The following NTRK1 variants were observed in gnomAD, a reference collection of about 807,000 sequenced individuals.
NTRK1 encodes neurotrophic receptor tyrosine kinase 1, also known as high affinity nerve growth factor receptor.
In NTRK1, 62 loss-of-function variants were observed where a neutral mutation model predicts 86.8. The observed-to-expected ratio is 0.71, with a 90% CI of 0.58 to 0.88. The LOEUF is 0.88. Ranked by LOEUF, NTRK1 falls within the 40% of genes least tolerant of loss-of-function variation. NTRK1 has a pLI of 0.00. For missense variants in NTRK1, 967 were observed against 1,078.4 expected (o/e 0.90, Z 1.45); for synonymous variants, 469 against 456.6 (o/e 1.03, Z -0.35).
intron 2 of NTRK1, chr1:156,843,226 G>A: frequency 2.5e-6 from 4 of 1,613,982 alleles, no homozygotes; most frequent in Middle Eastern, 1.7e-4. Context: ...ATTCATCAGG[G>A]ACATACACTG....
At chr1:156,844,955 G>A (rs1286680490) in intron 2 of NTRK1, 34 of 1,551,182 alleles carry the variant, frequency 2.2e-5, no homozygotes, top group Non-Finnish European at 3.0e-5. Flanking sequence ...TGGGATTATG[G>A]GAACTGAGAG....
At chr1:156,823,820 A>G (rs576414969) in intron 1 of NTRK1, among the ~76,000 whole-genome samples, 2 of 152,326 alleles carry the variant, frequency 1.3e-5, no homozygotes, top group Admixed American at 6.5e-5. Flanking sequence ...AGCACTGGGC[A>G]TACAGGTGGC....
rs765058586 is a variant in NTRK1 at position 156,854,483 on chromosome 1, G to T, written c.51-9871G>T. On this transcript the variant is annotated intron_variant, in intron 2 of 16. Coordinates refer to the NTRK1 transcript ENST00000392302. This position sits in a 1 kb window ranked among gnomAD's most constrained non-coding sequence, Gnocchi z 4.2. Reference sequence around the variant, plus strand: ...CGGAGGGCTCACCTGCAGCCTGCAGGGTCTCTACCAGATGAGCCACACAGG... The same window carrying T: ...CGGAGGGCTCACCTGCAGCCTGCAGTGTCTCTACCAGATGAGCCACACAGG... Among the ~76,000 whole-genome samples, 1 of 152,024 alleles carries T rather than the reference G, an allele frequency of 6.6e-6. No homozygotes were observed. Among genetic ancestry groups the T allele is most frequent in the Non-Finnish European group, 1.5e-5 (1 of 68,008 alleles).
intron 2 of NTRK1, chr1:156,843,037 A>G: frequency 6.2e-7 from 1 of 1,613,988 alleles, no homozygotes; most frequent in Non-Finnish European, 8.5e-7. Flanking sequence ...TCATGACAGA[A>G]GCTTCCTTGA....
At chr1:156,839,102 A>C (rs1004658784) in intron 1 of NTRK1, among the ~76,000 whole-genome samples, 1 of 152,194 alleles carries the variant, frequency 6.6e-6, no homozygotes. Context: ...TCACCAATGC[A>C]GGGCAGGGGA....
chr1:156,828,383 G>C (rs1479805716), intron 1 of NTRK1, among the ~76,000 whole-genome samples: 1 of 152,160 alleles, frequency 6.6e-6, no homozygotes, highest in Non-Finnish European at 1.5e-5. Flanking sequence ...AGGAGATGCT[G>C]AGTAACTATG....
At chr1:156,863,306 TC>T (rs1262579786) in intron 1 of NTRK1, among the ~76,000 whole-genome samples, 1 of 152,200 alleles carries the variant, frequency 6.6e-6, no homozygotes, top group African/African-American at 2.4e-5. Flanking sequence ...TCACTATCTC[TC>T]TGACCTCTTC....
Position 156,841,006 on chromosome 1 carries a change from A to G in NTRK1, c.-63-1075A>G, listed in dbSNP as rs146201749. The G allele has an allele frequency of 1.1e-4, 184 of 1,611,632 alleles. No homozygotes were observed. The highest frequency in any genetic ancestry group is 6.0e-4 in the Admixed American group (36 of 59,640). ...GCTGTAGTAGAAGGAGAGGAGGCGG[A>G]AGGAGGGCCGCAGCTCCTCCTGTAT... On this transcript the variant is annotated intron_variant, in intron 1 of 16. Transcript: ENST00000392302.
chr1:156,849,513 G>GGGGGGGGGGGGGGGGGGGGGGGGGC, intron 2 of NTRK1: 2 of 486,118 alleles, frequency 4.1e-6, no homozygotes, highest in Non-Finnish European at 8.3e-6. Context: ...CAGGGGGTGG[G>GGGGGGGGGGGGGGGGGGGGGGGGGC]AAAGGGGATG....
chr1:156,874,125 A>G (rs895357048), intron 8 of NTRK1, 166 bp downstream of exon 8: 1 of 879,292 alleles, frequency 1.1e-6, no homozygotes, highest in Non-Finnish European at 1.8e-6. Context: ...CCTCTCCCCA[A>G]GCCAGGACTC....
At chr1:156,822,609 G>GAA (rs35686944) in intron 1 of NTRK1, among the ~76,000 whole-genome samples, 24 of 81,274 alleles carry the variant, frequency 3.0e-4, no homozygotes, top group Non-Finnish European at 3.8e-4. Context: ...TAAAAGATTA[G>GAA]AAAAAAAAAA....
chr1:156,879,647 G>A (rs1409611698), intron 15 of NTRK1, among the ~76,000 whole-genome samples: 4 of 152,164 alleles, frequency 2.6e-5, no homozygotes, highest in African/African-American at 2.4e-5. Flanking sequence ...GTCTCACTCT[G>A]TTGCTAGGCT....
chr1:156,863,632 G>A (rs943071569), intron 1 of NTRK1, among the ~76,000 whole-genome samples: 1 of 152,098 alleles, frequency 6.6e-6, no homozygotes, highest in African/African-American at 2.4e-5. Context: ...GTGAAGAGGG[G>A]CCAGAGGCTA....
chr1:156,851,583 G>T, intron 2 of NTRK1: 1 of 1,611,266 alleles, frequency 6.2e-7, no homozygotes, highest in Non-Finnish European at 8.5e-7. Flanking sequence ...TCATTGTAAG[G>T]GTTGTGTCTG....
At chr1:156,861,198 TG>T (rs1655635291) in intron 1 of NTRK1, 52 bp downstream of exon 1, 5 of 1,521,042 alleles carry the variant, frequency 3.3e-6, no homozygotes, top group Admixed American at 2.0e-5. Flanking sequence ...GGCATTGCAG[TG>T]CCCCGAGGGC....
intron 1 of NTRK1, among the ~76,000 whole-genome samples, chr1:156,861,990 T>C (rs984739845): frequency 1.3e-4 from 20 of 152,206 alleles, no homozygotes; most frequent in Non-Finnish European, 2.6e-4. Context: ...TCAGGCATCA[T>C]ATGGTGATGG....
intron 1 of NTRK1, among the ~76,000 whole-genome samples, chr1:156,827,828 T>C (rs1241350487): frequency 6.6e-6 from 1 of 152,248 alleles, no homozygotes; most frequent in African/African-American, 2.4e-5. Flanking sequence ...TCCGTGGGTC[T>C]GCCATGTGTC....
upstream of NTRK1, among the ~76,000 whole-genome samples, chr1:156,858,131 T>C (rs1655475257): frequency 6.6e-6 from 1 of 152,176 alleles, no homozygotes; most frequent in Admixed American, 6.5e-5. Flanking sequence ...CAGTTTCCTG[T>C]CGGCAACATT....
chr1:156,865,324 C>T (rs1355756175), intron 3 of NTRK1, among the ~76,000 whole-genome samples: 1 of 152,100 alleles, frequency 6.6e-6, no homozygotes, highest in East Asian at 1.9e-4. Flanking sequence ...ACGGATGGTG[C>T]GGGAGGAGAG....
Sources: gnomAD v4.1 joint callset for allele counts (sites outside exome capture counted in the v4.1 genomes callset) on GRCh38, gnomAD v4.1.1 for gene constraint, Gnocchi (gnomAD v3.1) non-coding constraint, MANE v1.5 for transcripts, NCBI Gene and HGNC (gene_info 2026-07-23, HGNC 2026-07-21) for gene names.